CCNY: variants seen among roughly 807,000 people sequenced by gnomAD.
CCNY encodes cyclin-Y.
A neutral mutation model predicts 42.8 loss-of-function variants in CCNY; 19 were observed. The ratio of observed to expected loss-of-function variants is 0.44; its 90% CI spans 0.31 to 0.65. The LOEUF (loss-of-function observed/expected upper bound fraction) is 0.65, where lower values mean the gene tolerates loss of function less well. Ranked by LOEUF, CCNY falls within the 30% of genes least tolerant of loss-of-function variation. The pLI is 0.07. For missense variants in CCNY, 370 were observed against 437.3 expected, an observed-to-expected ratio of 0.85 and a Z score of 1.37; for synonymous variants, 165 against 162.7, an observed-to-expected ratio of 1.01 and a Z score of -0.11.
At position 35,370,949 on chromosome 10, in the gene CCNY, C is replaced by T. The variant is rs576852831; in HGVS notation, c.154+33742C>T. ...CCAGGATGGTCTCGATCTCCTGACC[C>T]AGTGATCCGTCCGCCTCGGCCTCTC... On this transcript the variant is annotated intron_variant, in intron 1 of 9. Transcript: ENST00000374704. Among the ~76,000 whole-genome samples, 990 of 152,052 alleles carry T rather than the reference C, an allele frequency of 6.5e-3. 10 individuals carry two copies. The highest frequency in any genetic ancestry group is 0.023 in the African/African-American group (945 of 41,410).
chr10:35,529,867 A>G (rs920509431), intron 5 of CCNY, 106 bp from the exon 6 acceptor site: 3 of 1,082,676 alleles, frequency 2.8e-6, no homozygotes, highest in African/African-American at 1.6e-5. Context: ...GAGACTCCGT[A>G]TCCCAAAAAA....
intron 1 of CCNY, among the ~76,000 whole-genome samples, chr10:35,435,016 C>T (rs999423097): frequency 2.0e-5 from 3 of 152,088 alleles, no homozygotes; most frequent in East Asian, 1.9e-4. Flanking sequence ...AGGCAGGGGG[C>T]GAGGAGGCAA....
intron 1 of CCNY, among the ~76,000 whole-genome samples, chr10:35,422,273 C>T (rs900998524): frequency 6.6e-6 from 1 of 152,050 alleles, no homozygotes; most frequent in African/African-American, 2.4e-5. Context: ...TTCTATGTGG[C>T]CTCCTTGATC....
At chr10:35,387,463 G>A (rs1837322862) in intron 1 of CCNY, among the ~76,000 whole-genome samples, 1 of 152,154 alleles carries the variant, frequency 6.6e-6, no homozygotes, top group Non-Finnish European at 1.5e-5. Flanking sequence ...GTTGTATGTG[G>A]GGCAGATGTG....
At chr10:35,431,734 G>A (rs1838415654) in intron 1 of CCNY, among the ~76,000 whole-genome samples, 1 of 151,992 alleles carries the variant, frequency 6.6e-6, no homozygotes, top group Non-Finnish European at 1.5e-5. Flanking sequence ...CCTAAGCATC[G>A]GGTCCCAGGC....
At position 35,397,209 on chromosome 10, in the gene CCNY, A is replaced by G. The variant is rs1485041597; in HGVS notation, c.154+60002A>G. 3.3e-5 allele frequency among the ~76,000 whole-genome samples: 5 copies of G among 152,184 alleles called. No homozygotes were observed. The South Asian group carries it at 8.3e-4, about 25-fold the overall frequency. On this transcript the variant is annotated intron_variant, in intron 1 of 9. Transcript: ENST00000374704. ...CAGAAGAAAAGTGGAAACAAAACAA[A>G]AGTGTTGAAGTTGTTCTGGTAGCCG...
chr10:35,485,743 A>C (rs1012628258), intron 2 of CCNY, among the ~76,000 whole-genome samples: 18 of 151,354 alleles, frequency 1.2e-4, no homozygotes, highest in East Asian at 3.9e-4. Context: ...AAAAAAACAA[A>C]AAAAAAAAAC....
intron 1 of CCNY, among the ~76,000 whole-genome samples, chr10:35,478,334 A>G (rs1376253564): frequency 6.6e-6 from 1 of 152,040 alleles, no homozygotes; most frequent in Admixed American, 6.6e-5. Flanking sequence ...TCACCAAGTC[A>G]ATCCTAAGCC....
At chr10:35,399,662 C>T (rs901290006) in intron 1 of CCNY, among the ~76,000 whole-genome samples, 2 of 152,150 alleles carry the variant, frequency 1.3e-5, no homozygotes, top group South Asian at 2.1e-4. Flanking sequence ...GGCAACATAA[C>T]GAGAGTCTGT....
chr10:35,512,681 A>C (rs1840347323), intron 3 of CCNY, among the ~76,000 whole-genome samples: 1 of 152,054 alleles, frequency 6.6e-6, no homozygotes, highest in African/African-American at 2.4e-5. Context: ...TAGGGCTTCT[A>C]CTCCAGGTAG....
At chr10:35,526,080 T>A in intron 5 of CCNY, 81 bp downstream of exon 5, 1 of 1,230,316 alleles carries the variant, frequency 8.1e-7, no homozygotes, top group Non-Finnish European at 1.2e-6. Flanking sequence ...TCTAGTTGCT[T>A]AAACCTTTGA....
At chr10:35,475,162 T>C (rs1839478996) in intron 1 of CCNY, among the ~76,000 whole-genome samples, 2 of 152,052 alleles carry the variant, frequency 1.3e-5, no homozygotes, top group African/African-American at 4.8e-5. Context: ...CTACATCTGA[T>C]TGGTGTACCT....
chr10:35,366,928 T>C (rs949503572), intron 1 of CCNY, among the ~76,000 whole-genome samples: 2 of 152,374 alleles, frequency 1.3e-5, no homozygotes, highest in South Asian at 2.1e-4. Flanking sequence ...CTACCATTGC[T>C]AATTCCTTGA....
At chr10:35,441,668 A>T (rs546847295) in intron 1 of CCNY, among the ~76,000 whole-genome samples, 19 of 152,160 alleles carry the variant, frequency 1.2e-4, no homozygotes, top group Non-Finnish European at 1.8e-4. Flanking sequence ...GGATTGCTTG[A>T]GCCCAGAAGA....
At chr10:35,409,559 G>A (rs1206899404) in intron 1 of CCNY, among the ~76,000 whole-genome samples, 1 of 152,120 alleles carries the variant, frequency 6.6e-6, no homozygotes, top group Non-Finnish European at 1.5e-5. Context: ...AGTGATGAGA[G>A]GCTGAGGAAC....
At chr10:35,255,380 G>T (rs1008526468) in intron 3 of CCNY, among the ~76,000 whole-genome samples, 14 of 150,962 alleles carry the variant, frequency 9.3e-5, no homozygotes, top group Non-Finnish European at 2.1e-4. Context: ...GAGTGAAGTG[G>T]CACGATCTCG....
At chr10:35,474,738 G>T (rs1172790631) in intron 1 of CCNY, among the ~76,000 whole-genome samples, 4 of 151,956 alleles carry the variant, frequency 2.6e-5, no homozygotes, top group Non-Finnish European at 4.4e-5. Context: ...AAATCAGAGC[G>T]CCTCTCCTCC....
chr10:35,541,185 T>C (rs930791122), intron 7 of CCNY, among the ~76,000 whole-genome samples: 6 of 152,168 alleles, frequency 3.9e-5, no homozygotes, highest in Non-Finnish European at 2.9e-5. Flanking sequence ...TTTTGCTGGG[T>C]TATACTTTCA....
intron 1 of CCNY, among the ~76,000 whole-genome samples, chr10:35,397,126 C>T (rs1306150538): frequency 6.6e-6 from 1 of 152,188 alleles, no homozygotes; most frequent in Non-Finnish European, 1.5e-5. Context: ...GCTCTGTGGA[C>T]TTTTGTGCAA....
Sources: gnomAD v4.1 joint callset for allele counts (sites outside exome capture counted in the v4.1 genomes callset) on GRCh38, gnomAD v4.1.1 for gene constraint, MANE v1.5 for transcripts, NCBI Gene and HGNC (gene_info 2026-07-23, HGNC 2026-07-21) for gene names.